The following FBXO38 variants were observed in gnomAD, a reference collection of about 807,000 sequenced individuals.
FBXO38 encodes F-box protein 38, also known as F-box only protein 38.
In FBXO38, 53 loss-of-function variants were observed where a neutral mutation model predicts 131.9. That is an observed-to-expected ratio of 0.40 (90% confidence interval 0.32 to 0.51). FBXO38 has a LOEUF of 0.51. FBXO38 is among the 20% of genes least tolerant of loss of function. The probability of loss-of-function intolerance (pLI) is 0.53; values close to 1 mark genes in which losing one functional copy is unlikely to be tolerated. For synonymous variants in FBXO38, 452 were observed against 505.6 expected, an observed-to-expected ratio of 0.89 and a Z score of 1.42; for missense variants, 1,076 against 1,475.6, an observed-to-expected ratio of 0.73 and a Z score of 4.44.
chr5:148,440,032 GT>G (rs1399409935), intron 19 of FBXO38, among the ~76,000 whole-genome samples: 2 of 152,156 alleles, frequency 1.3e-5, no homozygotes, highest in African/African-American at 2.4e-5. Flanking sequence ...GATTGCACAT[GT>G]ACTTGTAACA....
At chr5:148,405,595 T>A (rs9325095) in intron 6 of FBXO38, among the ~76,000 whole-genome samples, 1 of 152,074 alleles carries the variant, frequency 6.6e-6, no homozygotes, top group Non-Finnish European at 1.5e-5. Flanking sequence ...GACTATTCAT[T>A]GTTCCCTGGT....
At chr5:148,427,138 A>T in intron 14 of FBXO38, 75 bp from the exon 15 acceptor site, 1 of 1,491,116 alleles carries the variant, frequency 6.7e-7, no homozygotes, top group Non-Finnish European at 9.0e-7. Flanking sequence ...TTCCAAATTT[A>T]CTCTTGCGTT....
chr5:148,390,143 A>G (rs909367694), intron 1 of FBXO38: 1 of 152,116 alleles, frequency 6.6e-6, no homozygotes, highest in Non-Finnish European at 1.5e-5. Flanking sequence ...AGTACCTGAG[A>G]TGAAATACTC....
At chr5:148,418,658 A>G (rs771732255) in intron 12 of FBXO38, among the ~76,000 whole-genome samples, 1 of 152,194 alleles carries the variant, frequency 6.6e-6, no homozygotes, top group Non-Finnish European at 1.5e-5. Context: ...ACCACTATAA[A>G]GATCTGCACT....
chr5:148,410,470 C>G (rs1035374599), intron 8 of FBXO38, 165 bp from the exon 9 acceptor site: 2 of 793,266 alleles, frequency 2.5e-6, no homozygotes, highest in Admixed American at 3.0e-5. Flanking sequence ...TGAGGCCTCC[C>G]CAGCCATGTG....
chr5:148,439,752 C>T lies in FBXO38; in HGVS notation c.3130C>T (p.Arg1044Cys), dbSNP rs1269391994. 8.1e-6 allele frequency: 13 copies of T among 1,613,908 alleles called. No homozygotes were observed. Among genetic ancestry groups the T allele is most frequent in the Admixed American group, 1.7e-5 (1 of 60,000 alleles). Residue 1044 changes from arginine (R) to cysteine (C), a missense_variant, in exon 19 of 22, where the codon CGC becomes TGC. Transcript: ENST00000340253. ...SNPPNVRNKV[R>C]IRSWMDTIAN... is the part of the protein sequence containing the mutation. Reference sequence around the variant, plus strand: ...CCCTCCCAATGTCCGGAATAAGGTGCGCATTCGCAGCTGGATGGACACTAT... The same window carrying T: ...CCCTCCCAATGTCCGGAATAAGGTGTGCATTCGCAGCTGGATGGACACTAT...
chr5:148,415,568 C>T lies in FBXO38; in HGVS notation c.1265-360C>T, dbSNP rs1024320737. Among the ~76,000 whole-genome samples, 3 of 152,082 alleles carry T rather than the reference C, an allele frequency of 2.0e-5. No homozygotes were observed. In the East Asian group the frequency reaches 5.8e-4, roughly 29 times the overall value. On this transcript the variant is annotated intron_variant, in intron 10 of 21. Coordinates refer to ENST00000340253, the MANE Select transcript of FBXO38 (RefSeq NM_205836.3). ...TTGGAGAGTTTTCCATGTCAGCAAGCATATTAAGCTCTCCTTAATTCTTTT... is the reference window on the plus strand; with the variant it reads ...TTGGAGAGTTTTCCATGTCAGCAAGTATATTAAGCTCTCCTTAATTCTTTT...
At chr5:148,415,099 C>T (rs1752975974) in intron 10 of FBXO38, among the ~76,000 whole-genome samples, 1 of 152,058 alleles carries the variant, frequency 6.6e-6, no homozygotes, top group East Asian at 1.9e-4. Context: ...TCTCATGTGC[C>T]AGCAGCAGTT....
intron 6 of FBXO38, 132 bp downstream of exon 6, chr5:148,404,954 G>T: frequency 1.4e-6 from 1 of 727,622 alleles, no homozygotes; most frequent in Non-Finnish European, 2.0e-6. Context: ...TATTCATCTT[G>T]TGAAGATAAA....
intron 1 of FBXO38, among the ~76,000 whole-genome samples, chr5:148,390,427 C>T (rs1042642973): frequency 6.6e-6 from 1 of 152,104 alleles, no homozygotes; most frequent in African/African-American, 2.4e-5. Flanking sequence ...AAGTTCCTTC[C>T]CCACGATAGG....
chr5:148,409,370 TA>T, intron 8 of FBXO38, 153 bp downstream of exon 8: 1 of 623,632 alleles, frequency 1.6e-6, no homozygotes, highest in African/African-American at 1.8e-5. Flanking sequence ...AAATAACAGA[TA>T]AGTATAACAT....
At chr5:148,405,994 GT>G in intron 6 of FBXO38, among the ~76,000 whole-genome samples, 1 of 152,284 alleles carries the variant, frequency 6.6e-6, no homozygotes, top group South Asian at 2.1e-4. Context: ...CCATTAGTTA[GT>G]TTGAGTTCAA....
chr5:148,438,280 C>T, intron 17 of FBXO38, 52 bp from the exon 18 acceptor site: 3 of 1,534,842 alleles, frequency 2.0e-6, no homozygotes, highest in East Asian at 2.3e-5. Flanking sequence ...AAAATTAGGC[C>T]ATCTCTCCAA....
At chr5:148,428,102 T>A (rs1432832583) in intron 15 of FBXO38, among the ~76,000 whole-genome samples, 155 bp downstream of exon 15, 1 of 152,230 alleles carries the variant, frequency 6.6e-6, no homozygotes, top group East Asian at 1.9e-4. Flanking sequence ...ATTTCAGCAA[T>A]GGTTTGGAGG....
chr5:148,401,529 C>T (rs980395810), intron 3 of FBXO38, among the ~76,000 whole-genome samples: 19 of 152,096 alleles, frequency 1.2e-4, no homozygotes, highest in Admixed American at 7.2e-4. Flanking sequence ...CTGTGAGCTT[C>T]CTAACGATGA....
In FBXO38 at chr5:148,417,071, C is replaced by G; in HGVS notation, c.1485C>G (p.Asn495Lys). The G allele has an allele frequency of 6.2e-7, 1 of 1,613,464 alleles. No individual in the cohort carries two copies. The highest frequency in any genetic ancestry group is 1.1e-5 in the South Asian group (1 of 91,064). Residue 495 changes from asparagine to lysine, a missense_variant, in exon 12 of 22, where the codon AAC (asparagine) becomes AAG (lysine). Coordinates refer to ENST00000340253, the MANE Select transcript of FBXO38 (RefSeq NM_205836.3). ...SSALVSNQNS[N>K]NDDNNAQNNN... ...CTCTTGTTAGCAACCAGAACTCCAA[C>G]AATGACGATAATAATGCCCAGAATA...
chr5:148,386,684 G>A (rs762204855), intron 1 of FBXO38, among the ~76,000 whole-genome samples: 3 of 151,990 alleles, frequency 2.0e-5, no homozygotes, highest in Non-Finnish European at 2.9e-5. Context: ...ACCTGGTACC[G>A]CAAAGTATAG....
intron 7 of FBXO38, among the ~76,000 whole-genome samples, chr5:148,408,887 A>G (rs1752583437): frequency 3.3e-5 from 5 of 152,204 alleles, no homozygotes; most frequent in Admixed American, 3.3e-4. Context: ...TAAATCTTTT[A>G]GAGTAGTTTT....
At chr5:148,435,577 C>T (rs1754300990) in intron 17 of FBXO38, among the ~76,000 whole-genome samples, 2 of 152,208 alleles carry the variant, frequency 1.3e-5, no homozygotes, top group Admixed American at 1.3e-4. Context: ...CAAGACCATC[C>T]TCGCTAACAT....
Sources: gnomAD v4.1 joint callset for allele counts (sites outside exome capture counted in the v4.1 genomes callset) on GRCh38, gnomAD v4.1.1 for gene constraint, MANE v1.5 for transcripts, NCBI Gene and HGNC (gene_info 2026-07-23, HGNC 2026-07-21) for gene names.